The following ZNF283 variants were observed in gnomAD, a reference collection of about 807,000 sequenced individuals.
ZNF283 encodes the protein zinc finger protein 283.
A neutral mutation model predicts 9.2 loss-of-function variants in ZNF283; 10 were observed. That is an observed-to-expected ratio of 1.09 (90% CI 0.67 to 1.85). The LOEUF (loss-of-function observed/expected upper bound fraction) is 1.85. Among genes scored for constraint, ZNF283 ranks in the 40% most tolerant of loss-of-function variants. The pLI, the probability that ZNF283 is intolerant of heterozygous loss-of-function variation, is 0.00. For synonymous variants in ZNF283, 234 were observed against 244.1 expected, an observed-to-expected ratio of 0.96 and a Z score of 0.38; for missense variants, 631 against 760.1, an observed-to-expected ratio of 0.83 and a Z score of 2.00.
At chr19:43,830,280 G>C (rs2146529083) in intron 2 of ZNF283, among the ~76,000 whole-genome samples, 1 of 152,092 alleles carries the variant, frequency 6.6e-6, no homozygotes, top group East Asian at 1.9e-4. Flanking sequence ...GTTTTGCTAT[G>C]TTGCCCAGCC....
chr19:43,831,626 T>G (rs777346168), intron 3 of ZNF283, among the ~76,000 whole-genome samples: 2 of 151,944 alleles, frequency 1.3e-5, no homozygotes, highest in Non-Finnish European at 2.9e-5. Flanking sequence ...TGTTTTGGTG[T>G]TTTTTTTCTT....
rs779748121 is a variant in ZNF283, at chr19:43,847,775, C to G, written c.1174C>G (p.Arg392Gly). Residue 392 changes from arginine (R) to glycine (G), a missense_variant, in exon 7 of 7, where the codon CGA becomes GGA. Around this residue, in one of 3 missense-constraint regions of ZNF283, gnomAD observed 444 missense variants for 522.5 expected, o/e 0.85. Transcript: ENST00000618787. ...TTTTTGTTGGGGCTATCAACTTACTCGACATCAGATATTTCATACTGGTGA... is the reference window on the plus strand; with the variant it reads ...TTTTTGTTGGGGCTATCAACTTACTGGACATCAGATATTTCATACTGGTGA... ...KAFCWGYQLTRHQIFHTGEKP... is the reference protein window; with the variant it reads ...KAFCWGYQLTGHQIFHTGEKP... 9 of 1,611,780 alleles carry G rather than the reference C, an allele frequency of 5.6e-6. No homozygotes were observed. Among genetic ancestry groups the G allele is most frequent in the Non-Finnish European group, 7.6e-6 (9 of 1,179,434 alleles).
intron 6 of ZNF283, chr19:43,838,228 C>T (rs1271113475): frequency 6.6e-6 from 1 of 152,198 alleles, no homozygotes; most frequent in Non-Finnish European, 1.5e-5. Flanking sequence ...ATGTTATTCA[C>T]TCTGAGTACT....
intron 2 of ZNF283, 46 bp downstream of exon 2, chr19:43,828,327 A>C (rs1259733032): frequency 1.3e-5 from 2 of 152,080 alleles, no homozygotes; most frequent in African/African-American, 2.4e-5. Flanking sequence ...ACATACAATT[A>C]CCTTTGCTTC....
Position 43,851,458 on chromosome 19 carries a change from T to G in ZNF283, c.*2817T>G, listed in dbSNP as rs1242472725. Reference sequence around the variant, plus strand: ...ACGGCCGGGCGCGGTGGCTCATGCCTGTAATCCCAGAACTTTGGGAAGCCG... The same window carrying G: ...ACGGCCGGGCGCGGTGGCTCATGCCGGTAATCCCAGAACTTTGGGAAGCCG... On this transcript the variant is annotated 3_prime_UTR_variant, in exon 7 of 7. Transcript: ENST00000618787. 6.6e-6 allele frequency: 1 copy of G among 150,738 alleles called. No homozygotes were observed. Among genetic ancestry groups the G allele is most frequent in the Admixed American group, 6.6e-5 (1 of 15,132 alleles). 9.3% of individuals were successfully genotyped at this position (150,738 alleles called of 1,614,324 possible).
chr19:43,843,560 T>G (rs1971294448), intron 6 of ZNF283, among the ~76,000 whole-genome samples: 1 of 152,228 alleles, frequency 6.6e-6, no homozygotes, highest in Non-Finnish European at 1.5e-5. Flanking sequence ...TATTCATAAT[T>G]TTGAGCTTTA....
intron 1 of ZNF283, chr19:43,827,695 G>A (rs2146521827): frequency 6.6e-6 from 1 of 152,656 alleles, no homozygotes; most frequent in Admixed American, 6.5e-5. Flanking sequence ...ACGGAGGTGG[G>A]TGCAGTTGTG....
At chr19:43,831,210 C>A in intron 2 of ZNF283, 108 bp from the exon 3 acceptor site, 1 of 635,038 alleles carries the variant, frequency 1.6e-6, no homozygotes, top group Non-Finnish European at 2.7e-6. Flanking sequence ...AAAGGTGCAG[C>A]CGTACTTACA....
chr19:43,848,664 T>TTG lies in ZNF283; in HGVS notation c.*33_*34dup, dbSNP rs757577783. 2.6e-6 allele frequency: 4 copies of TTG among 1,524,426 alleles called. No homozygotes were observed. Among genetic ancestry groups the TTG allele is most frequent in the South Asian group, 2.7e-5 (2 of 73,994 alleles). The allele number at this position is 1,524,426 out of a possible 1,614,324, so 94.4% of individuals were successfully genotyped here. A position where few individuals can be genotyped will look rare whatever the true frequency, so the allele number is the denominator to read the frequency against. On this transcript the variant is annotated 3_prime_UTR_variant, in exon 7 of 7. Transcript: ENST00000618787. ...TGATTGAAAGTTGTAAAAGAATATT[T>TTG]TGTGTGTGTGTATAGACAACTTATC...
At position 43,832,893 on chromosome 19, in the gene ZNF283, G is replaced by A. The variant is rs114419479; in HGVS notation, c.1-612G>A. On this transcript the variant is annotated intron_variant, in intron 3 of 6. Coordinates refer to ENST00000618787, the MANE Select transcript of ZNF283 (RefSeq NM_181845.2). Reference sequence around the variant, plus strand: ...AGAATCATTAGTCGGGCAAGGTGGCGTGCACCTGTGGTTCTAGCTACTGGG... The same window carrying A: ...AGAATCATTAGTCGGGCAAGGTGGCATGCACCTGTGGTTCTAGCTACTGGG... Among the ~76,000 whole-genome samples, 1,376 of 151,722 alleles carry A rather than the reference G, an allele frequency of 9.1e-3. 30 individuals carry two copies. Among genetic ancestry groups the A allele is most frequent in the African/African-American group, 0.031 (1,298 of 41,352 alleles).
At chr19:43,844,973 C>A (rs1044318537) in intron 6 of ZNF283, among the ~76,000 whole-genome samples, 1 of 152,048 alleles carries the variant, frequency 6.6e-6, no homozygotes, top group African/African-American at 2.4e-5. Flanking sequence ...AAGAGTATTA[C>A]GATTGTTCCA....
chr19:43,830,285 C>G (rs1327964294), intron 2 of ZNF283, among the ~76,000 whole-genome samples: 1 of 151,914 alleles, frequency 6.6e-6, no homozygotes, highest in Non-Finnish European at 1.5e-5. Flanking sequence ...GCTATGTTGC[C>G]CAGCCTGGTC....
chr19:43,839,410 T>A (rs1458036691), intron 6 of ZNF283, among the ~76,000 whole-genome samples: 1 of 152,188 alleles, frequency 6.6e-6, no homozygotes, highest in Non-Finnish European at 1.5e-5. Context: ...TTGACAATAA[T>A]GTGTCTAGAT....
Position 43,848,626 on chromosome 19 carries a change from T to C in ZNF283, c.2025T>C (p.Thr675=). Residue 675 remains threonine, a synonymous_variant, in exon 7 of 7, where the codon ACT becomes ACC. Transcript: ENST00000618787. ...WTTYSNEKID[T]DETL ...CTTACTCAAATGAGAAAATTGATAC[T>C]GATGAAACCTTATGATTGAAAGTTG... is the stretch of plus-strand genomic sequence containing the variant. 1 of 1,554,502 alleles carries C rather than the reference T, an allele frequency of 6.4e-7. No homozygotes were observed.
Position 43,847,869 on chromosome 19 carries a change from G to T in ZNF283, c.1268G>T (p.Arg423Ile), listed in dbSNP as rs1413423545. Residue 423 changes from arginine to isoleucine, a missense_variant, in exon 7 of 7, where the codon AGA (arginine) becomes ATA (isoleucine). Arg to Ile is a moderately conservative substitution (Grantham distance 97). Coordinates refer to ENST00000618787, the MANE Select transcript of ZNF283 (RefSeq NM_181845.2). ...NCGSSLIQHE[R>I]IHTGEKPYEC... Reference sequence around the variant, plus strand: ...GGATCAAGTCTTATTCAACATGAAAGAATTCATACTGGTGAGAAACCTTAT... The same window carrying T: ...GGATCAAGTCTTATTCAACATGAAATAATTCATACTGGTGAGAAACCTTAT... 4 of 1,612,188 alleles carry T rather than the reference G, an allele frequency of 2.5e-6. No homozygotes were observed. The highest frequency in any genetic ancestry group is 1.3e-5 in the African/African-American group (1 of 74,298).
chr19:43,834,349 C>A (rs974420229), intron 4 of ZNF283, among the ~76,000 whole-genome samples: 6 of 151,716 alleles, frequency 4.0e-5, no homozygotes, highest in Non-Finnish European at 7.4e-5. Context: ...ATATTAATAT[C>A]ATTTCATTAA....
chr19:43,838,911 A>T (rs1028731554), intron 6 of ZNF283, among the ~76,000 whole-genome samples: 1 of 152,178 alleles, frequency 6.6e-6, no homozygotes, highest in African/African-American at 2.4e-5. Flanking sequence ...TATTGCTTTG[A>T]AGTGCCTGGT....
chr19:43,836,383 C>G (rs1433816987), intron 5 of ZNF283, among the ~76,000 whole-genome samples: 1 of 152,044 alleles, frequency 6.6e-6, no homozygotes, highest in East Asian at 1.9e-4. Flanking sequence ...GCTCTGTCAC[C>G]CAGGCTGGAG....
At position 43,848,591 on chromosome 19, in the gene ZNF283, C is replaced by A; in HGVS notation, c.1990C>A (p.Leu664Met). ...YKYNECGEAF[L>M]WTTYSNEKID... ...ATATAACGAATGTGGGGAAGCCTTTCTGTGGACAACTTACTCAAATGAGAA... is the reference window on the plus strand; with the variant it reads ...ATATAACGAATGTGGGGAAGCCTTTATGTGGACAACTTACTCAAATGAGAA... The change falls in exon 7 of 7, where the codon CTG becomes ATG. Residue 664 changes from leucine (L) to methionine (M), a missense_variant. By Grantham distance (15) the Leu-to-Met change is conservative. This residue lies in a region of ZNF283 where 444 missense variants were observed against 522.5 expected (regional missense o/e 0.85). Coordinates refer to ENST00000618787, the MANE Select transcript of ZNF283 (RefSeq NM_181845.2). 1 of 1,582,790 alleles carries A rather than the reference C, an allele frequency of 6.3e-7. No homozygotes were observed. Among genetic ancestry groups the A allele is most frequent in the Non-Finnish European group, 8.6e-7 (1 of 1,161,748 alleles).
Sources: gnomAD v4.1 joint callset for allele counts (sites outside exome capture counted in the v4.1 genomes callset) on GRCh38, gnomAD v4.1.1 for gene constraint, gnomAD v4.1.1 regional missense constraint, MANE v1.5 for transcripts, NCBI Gene and HGNC (gene_info 2026-07-23, HGNC 2026-07-21) for gene names.